AP3B1: variants seen among roughly 807,000 people sequenced by gnomAD.
AP3B1 encodes AP-3 complex subunit beta-1.
In AP3B1, 61 loss-of-function variants were observed where a neutral mutation model predicts 132.5. The observed-to-expected ratio is 0.46, with a 90% CI of 0.37 to 0.57. The LOEUF (loss-of-function observed/expected upper bound fraction) is 0.57, where lower values mean the gene tolerates loss of function less well. AP3B1 is among the 20% of genes least tolerant of loss of function. The pLI is 0.00. For missense variants in AP3B1, 1,120 were observed against 1,289.4 expected, an observed-to-expected ratio of 0.87 and a Z score of 2.01; for synonymous variants, 388 against 438.3, an observed-to-expected ratio of 0.89 and a Z score of 1.43.
chr5:78,156,197 T>G lies in AP3B1; in HGVS notation c.1473+61A>C, dbSNP rs187440654. 1.1e-4 allele frequency: 133 copies of G among 1,258,330 alleles called. 1 individual carries two copies. The highest frequency in any genetic ancestry group is 1.3e-4 in the Non-Finnish European group (108 of 857,412). The allele number at this position is 1,258,330 out of a possible 1,614,324, so 77.9% of individuals were successfully genotyped here. ...CATTACCCTTTAGGCTGACCATTTA[T>G]TTTAACAAAATTACAACTTACTGAA... is the stretch of plus-strand genomic sequence containing the variant. On this transcript the variant is annotated intron_variant, in intron 14 of 26. Coordinates refer to ENST00000255194, the MANE Select transcript of AP3B1 (RefSeq NM_003664.5).
rs549545548 is a variant in AP3B1, at chr5:78,053,423, T to A, written c.2578-14149A>T. On this transcript the variant is annotated intron_variant, in intron 22 of 26. Coordinates refer to ENST00000255194, the MANE Select transcript of AP3B1 (RefSeq NM_003664.5). ...CCAGTCGGGTGCAGCGGCTCACGCCTGTAATCTCAGCACTTTGGGAGACCG... is the reference window on the plus strand; with the variant it reads ...CCAGTCGGGTGCAGCGGCTCACGCCAGTAATCTCAGCACTTTGGGAGACCG... Among the ~76,000 whole-genome samples, 6 of 152,222 alleles carry A rather than the reference T, an allele frequency of 3.9e-5. No homozygotes were observed. The East Asian group carries it at 1.2e-3, about 29-fold the overall frequency.
At position 78,055,792 on chromosome 5, in the gene AP3B1, C is replaced by T. The variant is rs573721819; in HGVS notation, c.2578-16518G>A. Among the ~76,000 whole-genome samples, 8 of 152,196 alleles carry T rather than the reference C, an allele frequency of 5.3e-5. No homozygotes were observed. In the East Asian group the frequency reaches 1.5e-3, roughly 29 times the overall value. On this transcript the variant is annotated intron_variant, in intron 22 of 26. Coordinates refer to ENST00000255194, the MANE Select transcript of AP3B1 (RefSeq NM_003664.5). Reference sequence around the variant, plus strand: ...ATGTGATCTTAATTATAATCAGTATCCTTAACAAATAACTTTTAAAAACAA... The same window carrying T: ...ATGTGATCTTAATTATAATCAGTATTCTTAACAAATAACTTTTAAAAACAA...
intron 7 of AP3B1, 151 bp from the exon 8 acceptor site, chr5:78,181,813 A>C (rs1034724484): frequency 3.1e-6 from 2 of 653,122 alleles, no homozygotes; most frequent in Non-Finnish European, 5.2e-6. Context: ...TACACAACCT[A>C]TATCGAATAA....
intron 1 of AP3B1, among the ~76,000 whole-genome samples, chr5:78,289,661 T>C (rs1483481947): frequency 6.6e-6 from 1 of 152,178 alleles, no homozygotes; most frequent in Admixed American, 6.5e-5. Context: ...TTTCCTTCTT[T>C]TAATTTTCCT....
intron 7 of AP3B1, among the ~76,000 whole-genome samples, chr5:78,208,373 A>G (rs1745598525): frequency 6.6e-6 from 1 of 152,156 alleles, no homozygotes; most frequent in South Asian, 2.1e-4. Flanking sequence ...AGTTGCCCCA[A>G]ACACTTTGTT....
At chr5:78,110,133 T>G in intron 20 of AP3B1, 74 bp downstream of exon 20, 1 of 1,293,240 alleles carries the variant, frequency 7.7e-7, no homozygotes, top group Non-Finnish European at 1.1e-6. Context: ...CAGGAGTAGA[T>G]GAGGATGGTG....
rs1371955255 is a variant in AP3B1 at position 78,240,899 on chromosome 5, G to A, written c.242C>T (p.Pro81Leu). 6.2e-7 allele frequency: 1 copy of A among 1,613,102 alleles called. No homozygotes were observed. The highest frequency in any genetic ancestry group is 8.5e-7 in the Non-Finnish European group (1 of 1,179,438). Residue 81 changes from proline (P) to leucine (L), a missense_variant, in exon 3 of 27, where the codon CCT (proline) becomes CTT (leucine). Around this residue, in one of 3 missense-constraint regions of AP3B1, gnomAD observed 129 missense variants for 212.4 expected, o/e 0.61. Transcript: ENST00000255194. ...ACTGGCCACATTCTTCACAACAGCA[G>A]GAAACAGTTCAGATGCATTTTTCCC... ...AKGKNASELFPAVVKNVASKN... is the reference protein window; with the variant it reads ...AKGKNASELFLAVVKNVASKN...
At chr5:78,158,299 A>G (rs1743239449) in intron 13 of AP3B1, among the ~76,000 whole-genome samples, 1 of 152,140 alleles carries the variant, frequency 6.6e-6, no homozygotes, top group Middle Eastern at 3.4e-3. Flanking sequence ...TCTACAAAAA[A>G]TCCAAAAATT....
At chr5:78,122,377 C>T (rs1263772832) in intron 17 of AP3B1, among the ~76,000 whole-genome samples, 2 of 152,208 alleles carry the variant, frequency 1.3e-5, no homozygotes, top group African/African-American at 2.4e-5. Context: ...AAATAAAGGG[C>T]ATTCAATTAG....
At chr5:78,043,689 C>G in intron 22 of AP3B1, 2 of 437,360 alleles carry the variant, frequency 4.6e-6, no homozygotes, top group South Asian at 2.0e-5. Flanking sequence ...CCCAGGCATA[C>G]TCTTCATCAT....
intron 15 of AP3B1, among the ~76,000 whole-genome samples, chr5:78,137,538 C>A (rs770937713): frequency 1.3e-5 from 2 of 152,188 alleles, no homozygotes; most frequent in African/African-American, 2.4e-5. Context: ...GTGCCAACTG[C>A]AAACTGTCCT....
rs974528128 is a variant in AP3B1, at chr5:78,130,318, A to T, written c.1651-1011T>A. ...ATTTTATGCACATTAGAAGCAGATA[A>T]AAAATAAAATCAATCAAGTTAGGCA... On this transcript the variant is annotated intron_variant, in intron 15 of 26. Transcript: ENST00000255194. Among the ~76,000 whole-genome samples, 4 of 152,214 alleles carry T rather than the reference A, an allele frequency of 2.6e-5. No individual in the cohort carries two copies. The South Asian group carries it at 8.3e-4, about 32-fold the overall frequency.
At chr5:78,203,050 T>C (rs1469342959) in intron 7 of AP3B1, among the ~76,000 whole-genome samples, 1 of 152,210 alleles carries the variant, frequency 6.6e-6, no homozygotes, top group Non-Finnish European at 1.5e-5. Context: ...AACATGGTTC[T>C]TCAACTACCT....
chr5:78,292,531 TG>T (rs1749569783), intron 1 of AP3B1, among the ~76,000 whole-genome samples: 1 of 152,208 alleles, frequency 6.6e-6, no homozygotes, highest in African/African-American at 2.4e-5. Flanking sequence ...GGCAGTGCAA[TG>T]TTCTACCTTT....
chr5:78,026,927 T>C (rs1747362422), intron 24 of AP3B1, among the ~76,000 whole-genome samples: 2 of 152,192 alleles, frequency 1.3e-5, no homozygotes, highest in Non-Finnish European at 2.9e-5. Context: ...TTCTTGTAAA[T>C]TGCCTATTCT....
intron 24 of AP3B1, among the ~76,000 whole-genome samples, chr5:78,021,066 G>A (rs2112066687): frequency 6.6e-6 from 1 of 152,052 alleles, no homozygotes; most frequent in African/African-American, 2.4e-5. Flanking sequence ...AAAAATTGCA[G>A]TAATTGTATA....
rs753428510 is a variant in AP3B1 at position 78,003,009 on chromosome 5, C to T, written c.3178G>A (p.Val1060Met). The change falls in exon 27 of 27, where the codon GTG becomes ATG. Residue 1060 changes from valine to methionine, a missense_variant. Physicochemically the swap from Val to Met is conservative, Grantham distance 21. Around this residue, in one of 3 missense-constraint regions of AP3B1, gnomAD observed 906 missense variants for 997.1 expected, o/e 0.91. Coordinates refer to ENST00000255194, the MANE Select transcript of AP3B1 (RefSeq NM_003664.5). The part of the protein sequence containing the change: ...VHSGSLMLVT[V>M]ELKEGSTAQL... ...GCTGTAGAGCCTTCCTTCAGTTCCA[C>T]TGTGACTAGCATCAATGACCCACTG... is the stretch of plus-strand genomic sequence containing the variant. The T allele has an allele frequency of 6.2e-7, 1 of 1,614,214 alleles. No individual in the cohort carries two copies. Among genetic ancestry groups the T allele is most frequent in the East Asian group, 2.2e-5 (1 of 44,884 alleles).
chr5:78,269,755 A>G (rs1417863597), intron 1 of AP3B1, among the ~76,000 whole-genome samples: 1 of 152,172 alleles, frequency 6.6e-6, no homozygotes, highest in Non-Finnish European at 1.5e-5. Flanking sequence ...CCATGAGGAG[A>G]TAGGTACCAA....
intron 22 of AP3B1, among the ~76,000 whole-genome samples, chr5:78,061,740 G>A (rs888259354): frequency 1.3e-5 from 2 of 152,172 alleles, no homozygotes; most frequent in East Asian, 1.9e-4. Flanking sequence ...ATTTTATGAA[G>A]AGCCCCTCTT....
Sources: allele counts gnomAD v4.1 joint callset (sites outside exome capture counted in the v4.1 genomes callset), GRCh38; gene constraint gnomAD v4.1.1; regional missense constraint gnomAD v4.1.1; transcripts MANE v1.5; gene names NCBI Gene and HGNC (gene_info 2026-07-23, HGNC 2026-07-21).